The following HLCS variants were observed in gnomAD, a reference collection of about 807,000 sequenced individuals.
The protein encoded by HLCS is holocarboxylase synthetase, also known as biotin--protein ligase.
HLCS carries 53 observed loss-of-function variants against 75.0 expected under a neutral mutation model. The observed-to-expected ratio is 0.71, with a 90% confidence interval of 0.57 to 0.89. HLCS has a LOEUF of 0.89. Ranked by LOEUF, HLCS falls within the 40% of genes least tolerant of loss-of-function variation. The probability of loss-of-function intolerance (pLI) is 0.00; values close to 1 mark genes in which losing one functional copy is unlikely to be tolerated. For missense variants in HLCS, 966 were observed against 1,074.0 expected (o/e 0.90, Z 1.41); for synonymous variants, 431 against 428.6 (o/e 1.01, Z -0.07).
intron 9 of HLCS, chr21:36,757,030 A>G: frequency 1.2e-6 from 1 of 819,562 alleles, no homozygotes; most frequent in Non-Finnish European, 1.5e-6. Context: ...ATTCAATTTA[A>G]TTCAATAGAA....
intron 10 of HLCS, among the ~76,000 whole-genome samples, chr21:36,756,246 G>T (rs1024493523): frequency 4.0e-5 from 6 of 148,698 alleles, no homozygotes; most frequent in Admixed American, 1.3e-4. Flanking sequence ...AGACCATCCT[G>T]GCTAACACGG....
chr21:36,988,405 T>C (rs1248527447), intron 1 of HLCS, among the ~76,000 whole-genome samples: 1 of 152,250 alleles, frequency 6.6e-6, no homozygotes, highest in East Asian at 1.9e-4. Context: ...CACTGTTTTT[T>C]ATACGTGCAT....
chr21:36,912,414 C>G (rs1485311405), intron 5 of HLCS, among the ~76,000 whole-genome samples: 2 of 151,866 alleles, frequency 1.3e-5, no homozygotes, highest in Non-Finnish European at 2.9e-5. Context: ...TGTATGATGT[C>G]ACTTGTATGA....
chr21:36,908,999 C>T (rs1032476820), intron 5 of HLCS, among the ~76,000 whole-genome samples: 1 of 152,088 alleles, frequency 6.6e-6, no homozygotes, highest in Admixed American at 6.5e-5. Context: ...TCGAGACCAT[C>T]CTGGCTAACA....
At chr21:36,885,574 G>T (rs1021907848) in intron 6 of HLCS, among the ~76,000 whole-genome samples, 1 of 151,862 alleles carries the variant, frequency 6.6e-6, no homozygotes, top group Non-Finnish European at 1.5e-5. Context: ...CTGTTTCATG[G>T]ACGTCCACAG....
chr21:36,888,445 AATATATATATATATATATATAT>A (rs71198839), intron 6 of HLCS, among the ~76,000 whole-genome samples: 379 of 24,096 alleles, frequency 0.016, 15 homozygotes, highest in Middle Eastern at 0.091. Context: ...AAAAAAAAAA[AATATATATATATATATATATAT>A]ATATATATAT....
At chr21:36,964,354 A>G (rs1262275236) in intron 1 of HLCS, among the ~76,000 whole-genome samples, 1 of 152,224 alleles carries the variant, frequency 6.6e-6, no homozygotes, top group Non-Finnish European at 1.5e-5. Context: ...AAATCTCAAA[A>G]TAACAGTAGC....
chr21:36,935,737 C>T (rs982967914), intron 4 of HLCS, among the ~76,000 whole-genome samples: 5 of 152,104 alleles, frequency 3.3e-5, no homozygotes, highest in African/African-American at 9.7e-5. Context: ...TATCCGCTAC[C>T]GTTTGCTTAA....
At chr21:36,797,590 T>C (rs1203147662) in intron 6 of HLCS, among the ~76,000 whole-genome samples, 3 of 152,146 alleles carry the variant, frequency 2.0e-5, no homozygotes, top group Non-Finnish European at 4.4e-5. Flanking sequence ...CAATAATCCA[T>C]TTAAACATAT....
chr21:36,836,329 T>C (rs966245827), intron 6 of HLCS, among the ~76,000 whole-genome samples: 4 of 152,166 alleles, frequency 2.6e-5, no homozygotes, highest in Non-Finnish European at 4.4e-5. Context: ...TTTTTTATTA[T>C]ACTTTAAGTT....
chr21:36,880,187 A>C (rs571007829), intron 6 of HLCS, among the ~76,000 whole-genome samples: 1 of 152,280 alleles, frequency 6.6e-6, no homozygotes, highest in East Asian at 1.9e-4. Flanking sequence ...AACAGTAAAA[A>C]CAGAAACTGC....
chr21:36,936,415 C>A, intron 4 of HLCS, 34 bp downstream of exon 4: 1 of 1,564,212 alleles, frequency 6.4e-7, no homozygotes, highest in Non-Finnish European at 8.8e-7. Flanking sequence ...CCACAGATAC[C>A]CAAAGATCAC....
intron 6 of HLCS, among the ~76,000 whole-genome samples, chr21:36,793,313 T>TTTTTTTTTTG: frequency 6.7e-6 from 1 of 149,508 alleles, no homozygotes; most frequent in Non-Finnish European, 1.5e-5. Flanking sequence ...TTTTTTTTTT[T>TTTTTTTTTTG]GAGATAGAGT....
intron 1 of HLCS, among the ~76,000 whole-genome samples, chr21:36,989,143 C>T (rs546449997): frequency 6.6e-6 from 1 of 151,490 alleles, no homozygotes; most frequent in South Asian, 2.1e-4. Flanking sequence ...CTAAAGCAAT[C>T]CTCCCACCTC....
chr21:36,924,205 C>G (rs1438695631), intron 5 of HLCS, among the ~76,000 whole-genome samples: 1 of 152,152 alleles, frequency 6.6e-6, no homozygotes, highest in Non-Finnish European at 1.5e-5. Context: ...ACATCAAGTA[C>G]TATGTTAAAA....
intron 5 of HLCS, among the ~76,000 whole-genome samples, chr21:36,898,434 G>A (rs2065099819): frequency 2.6e-5 from 2 of 77,724 alleles, no homozygotes; most frequent in South Asian, 4.4e-4. Context: ...AACAAAGAGT[G>A]AAACTCCATC....
At chr21:36,825,662 G>A (rs1007093087) in intron 6 of HLCS, among the ~76,000 whole-genome samples, 13 of 152,176 alleles carry the variant, frequency 8.5e-5, no homozygotes, top group South Asian at 6.2e-4. Flanking sequence ...CAGAGCTAGC[G>A]TAAGGCAGAG....
intron 6 of HLCS, among the ~76,000 whole-genome samples, chr21:36,812,516 T>C (rs146586132): frequency 6.6e-6 from 1 of 152,208 alleles, no homozygotes; most frequent in African/African-American, 2.4e-5. Flanking sequence ...AGTTTGAAAA[T>C]CATTTTTATG....
intron 1 of HLCS, among the ~76,000 whole-genome samples, chr21:36,962,555 A>C (rs1243550522): frequency 6.6e-6 from 1 of 152,084 alleles, no homozygotes; most frequent in Non-Finnish European, 1.5e-5. Context: ...TGGGAGGCCA[A>C]GGTGGGCAGA....
Sources: allele counts gnomAD v4.1 joint callset (sites outside exome capture counted in the v4.1 genomes callset), GRCh38; gene constraint gnomAD v4.1.1; transcripts MANE v1.5; gene names NCBI Gene and HGNC (gene_info 2026-07-23, HGNC 2026-07-21).